Variants in ANKRD18B observed in about 807,000 individuals in gnomAD.
ANKRD18B encodes the protein ankyrin repeat domain 18B, also known as ankyrin repeat domain-containing protein 18B.
Under a neutral mutation model 111.8 loss-of-function variants are expected in ANKRD18B, and 75 were observed. The ratio of observed to expected loss-of-function variants is 0.67; its 90% CI spans 0.56 to 0.81. ANKRD18B has a LOEUF of 0.81. Ranked by LOEUF, ANKRD18B falls within the 40% of genes least tolerant of loss-of-function variation. The pLI, the probability that ANKRD18B is intolerant of heterozygous loss-of-function variation, is 0.00. For synonymous variants in ANKRD18B, 356 were observed against 417.3 expected, an observed-to-expected ratio of 0.85 and a Z score of 1.79; for missense variants, 1,038 against 1,225.5, an observed-to-expected ratio of 0.85 and a Z score of 2.28.
chr9:33,564,245 A>C (rs990314406), intron 14 of ANKRD18B, among the ~76,000 whole-genome samples: 6 of 152,232 alleles, frequency 3.9e-5, no homozygotes, highest in African/African-American at 1.4e-4. Context: ...TACAGGCATC[A>C]GCCATGTTGC....
Position 33,572,441 on chromosome 9 carries a change from A to G in ANKRD18B, c.*7A>G, listed in dbSNP as rs879707936. On this transcript the variant is annotated 3_prime_UTR_variant, in exon 19 of 19. Transcript: ENST00000684830. ...GAAAAGTTGTATGATTTAAAAGATC[A>G]TAAAACTTTATTACTGGGCTATTTA... The G allele has an allele frequency of 2.9e-5, 44 of 1,525,964 alleles. No homozygotes were observed. The Admixed American group carries it at 8.7e-4, about 30-fold the overall frequency. 94.5% of individuals were successfully genotyped at this position (1,525,964 alleles called of 1,614,324 possible). A position where few individuals can be genotyped will look rare whatever the true frequency, so the allele number is the denominator to read the frequency against.
chr9:33,543,086 A>G (rs1264040539), intron 9 of ANKRD18B, 99 bp from the exon 10 acceptor site: 2 of 1,122,610 alleles, frequency 1.8e-6, no homozygotes, highest in African/African-American at 1.6e-5. Context: ...TAAATTCTCA[A>G]TTTATAAAAG....
rs1828390994 is a variant in ANKRD18B, at chr9:33,548,234, C to A, written c.1446C>A (p.Asn482Lys). 5.8e-6 allele frequency: 9 copies of A among 1,550,876 alleles called. No homozygotes were observed. Among genetic ancestry groups the A allele is most frequent in the East Asian group, 2.4e-5 (1 of 40,912 alleles). The change falls in exon 11 of 19, where the codon AAC becomes AAA. Residue 482 changes from asparagine to lysine, a missense_variant. Asn to Lys is a moderately conservative substitution (Grantham distance 94). This residue lies in a region of ANKRD18B where 205 missense variants were observed against 201.3 expected (regional missense o/e 1.02). Coordinates refer to ENST00000684830, the MANE Select transcript of ANKRD18B (RefSeq NM_001393611.1). Reference protein sequence around the residue: ...LNSKLEKEKHNKERLEAEVES... With the variant: ...LNSKLEKEKHKKERLEAEVES... ...CAAAATTGGAGAAGGAAAAACACAA[C>A]AAAGAAAGACTAGAAGCTGAAGTTG...
intron 3 of ANKRD18B, among the ~76,000 whole-genome samples, chr9:33,532,473 T>C (rs528274590): frequency 6.6e-6 from 1 of 152,328 alleles, no homozygotes; most frequent in South Asian, 2.1e-4. Context: ...GAGAATAGAA[T>C]TTCTTACTGA....
chr9:33,568,340 AAGG>A, intron 16 of ANKRD18B, among the ~76,000 whole-genome samples: 1 of 152,324 alleles, frequency 6.6e-6, no homozygotes, highest in East Asian at 1.9e-4. Context: ...AGTATATCTA[AAGG>A]AATCTTTAGA....
chr9:33,544,144 A>G lies in ANKRD18B; in HGVS notation c.1149+889A>G, dbSNP rs192089620. 1.1e-3 allele frequency among the ~76,000 whole-genome samples: 162 copies of G among 152,322 alleles called. 1 individual carries two copies. Among genetic ancestry groups the G allele is most frequent in the Admixed American group, 9.9e-3 (151 of 15,298 alleles). ...GAGAGAAAGCCTTTAGATACTACAT[A>G]TCTTCTGTGAACCTATTTCTGTCAG... is the stretch of plus-strand genomic sequence containing the variant. On this transcript the variant is annotated intron_variant, in intron 10 of 18. Transcript: ENST00000684830.
chr9:33,530,678 A>C (rs1828101084), intron 3 of ANKRD18B, among the ~76,000 whole-genome samples: 1 of 152,234 alleles, frequency 6.6e-6, no homozygotes, highest in Non-Finnish European at 1.5e-5. Context: ...CTTTCTTCAA[A>C]GTTCTCTTTT....
intron 1 of ANKRD18B, among the ~76,000 whole-genome samples, chr9:33,526,358 T>C (rs1478422488): frequency 6.6e-6 from 1 of 152,206 alleles, no homozygotes; most frequent in African/African-American, 2.4e-5. Context: ...AGTATGTTGA[T>C]ATGTGAAGAT....
chr9:33,531,964 A>G (rs997295504), intron 3 of ANKRD18B, among the ~76,000 whole-genome samples: 2 of 152,082 alleles, frequency 1.3e-5, no homozygotes, highest in East Asian at 1.9e-4. Flanking sequence ...GCTGGATGCG[A>G]TGGCTCATGC....
intron 14 of ANKRD18B, among the ~76,000 whole-genome samples, chr9:33,560,012 T>G (rs895271123): frequency 1.3e-5 from 2 of 152,202 alleles, no homozygotes; most frequent in Admixed American, 1.3e-4. Context: ...CGTATAGATT[T>G]GCGTATAAGC....
downstream of ANKRD18B, among the ~76,000 whole-genome samples, chr9:33,573,487 C>T (rs923772335): frequency 3.4e-5 from 5 of 145,056 alleles, no homozygotes; most frequent in African/African-American, 1.2e-4. Context: ...CTTCCTCCCA[C>T]TCTGACACTC....
In ANKRD18B at chr9:33,524,500, T is replaced by A. The variant is rs1413141419; in HGVS notation, c.11T>A (p.Leu4His). ...TGAGAAGTCGCCACCATGAGGAAGC[T>A]CCTCAGTTTTGGGAGACGCCTGGGC... MRK[L>H]LSFGRRLGQA... The change falls in exon 1 of 19, where the codon CTC (leucine) becomes CAC (histidine). Residue 4 changes from leucine to histidine, a missense_variant. Transcript: ENST00000684830. The A allele has an allele frequency of 6.5e-7, 1 of 1,547,524 alleles. No homozygotes were observed. Among genetic ancestry groups the A allele is most frequent in the South Asian group, 1.2e-5 (1 of 83,646 alleles).
chr9:33,569,261 C>CTTTTTTTTTTTTTTTT (rs67285532), intron 17 of ANKRD18B: 1 of 98,466 alleles, frequency 1.0e-5, no homozygotes, highest in African/African-American at 3.5e-5. Context: ...GTTCATATCA[C>CTTTTTTTTTTTTTTTT]TTTTTTTTTT....
chr9:33,524,721 G>A (rs1828001588), intron 1 of ANKRD18B, 26 bp downstream of exon 1: 1 of 1,543,414 alleles, frequency 6.5e-7, no homozygotes, highest in African/African-American at 1.4e-5. Context: ...CCCTCGGTGG[G>A]AGGGGGCCCC....
At position 33,566,428 on chromosome 9, in the gene ANKRD18B, A is replaced by G; in HGVS notation, c.2670A>G (p.Val890=). The G allele has an allele frequency of 1.2e-6, 2 of 1,610,154 alleles. No homozygotes were observed. Among genetic ancestry groups the G allele is most frequent in the Non-Finnish European group, 1.7e-6 (2 of 1,178,872 alleles). The stretch of plus-strand genomic sequence containing the variant: ...AAGATATGGTAGAACTTGGTAAAGT[A>G]CAAGAATATAAATCGGAGCTGGATG... ...MEKDMVELGK[V]QEYKSELDER... Residue 890 remains valine (V), a synonymous_variant, in exon 15 of 19, where the codon GTA becomes GTG. Coordinates refer to ENST00000684830, the MANE Select transcript of ANKRD18B (RefSeq NM_001393611.1).
chr9:33,554,698 G>A (rs548698103), intron 12 of ANKRD18B, among the ~76,000 whole-genome samples: 1 of 152,252 alleles, frequency 6.6e-6, no homozygotes, highest in Admixed American at 6.5e-5. Flanking sequence ...ACCAGAGAGA[G>A]ACCTTGGGGT....
At chr9:33,549,216 A>C (rs181267101) in intron 11 of ANKRD18B, among the ~76,000 whole-genome samples, 1 of 152,342 alleles carries the variant, frequency 6.6e-6, no homozygotes, top group South Asian at 2.1e-4. Flanking sequence ...TATTTCAACA[A>C]AGCTGTTTGA....
rs1828432644 is a variant in ANKRD18B, at chr9:33,550,551, A to G, written c.2189A>G (p.Lys730Arg). ...AATTTGGATGAGACATGGACTTCAA[A>G]GAAGAAATTATTTCAAGTAGAAATT... ...HINLDETWTS[K>R]KKLFQVEIQP... The change falls in exon 12 of 19, where the codon AAG becomes AGG. Residue 730 changes from lysine (K) to arginine (R), a missense_variant. By Grantham distance (26) the Lys-to-Arg change is conservative (BLOSUM62 2). This residue lies in a region of ANKRD18B where 524 missense variants were observed against 677.9 expected (regional missense o/e 0.77). Transcript: ENST00000684830. The G allele has an allele frequency of 6.5e-7, 1 of 1,537,040 alleles. No individual in the cohort carries two copies. Among genetic ancestry groups the G allele is most frequent in the Non-Finnish European group, 8.8e-7 (1 of 1,142,150 alleles).
downstream of ANKRD18B, chr9:33,573,269 C>T (rs1352045480): frequency 1.0e-6 from 1 of 985,322 alleles, no homozygotes. Context: ...ACAGAAGAAC[C>T]ACTGTCGCAT....
Sources: allele counts gnomAD v4.1 joint callset (sites outside exome capture counted in the v4.1 genomes callset), GRCh38; gene constraint gnomAD v4.1.1; regional missense constraint gnomAD v4.1.1; transcripts MANE v1.5; gene names NCBI Gene and HGNC (gene_info 2026-07-23, HGNC 2026-07-21).